The following CDH13 variants were observed in gnomAD, a reference collection of about 807,000 sequenced individuals.
CDH13 encodes the protein cadherin-13.
CDH13 carries 24 observed loss-of-function variants against 63.8 expected under a neutral mutation model. The ratio of observed to expected loss-of-function variants is 0.38; its 90% confidence interval spans 0.27 to 0.53. The LOEUF is 0.53. Among genes scored for constraint, CDH13 ranks in the 20% least tolerant of loss-of-function variants. The pLI is 0.85. For missense variants in CDH13, 1,049 were observed against 903.1 expected, an observed-to-expected ratio of 1.16 and a Z score of -2.07; for synonymous variants, 503 against 355.3, an observed-to-expected ratio of 1.42 and a Z score of -4.67.
At chr16:83,612,955 A>T (rs1471452079) in intron 8 of CDH13, among the ~76,000 whole-genome samples, 1 of 152,224 alleles carries the variant, frequency 6.6e-6, no homozygotes, top group African/African-American at 2.4e-5. Flanking sequence ...TGATTAAAAA[A>T]TTCCTTTTAT....
chr16:83,349,090 A>T (rs567282525), intron 6 of CDH13, among the ~76,000 whole-genome samples: 14 of 152,328 alleles, frequency 9.2e-5, no homozygotes, highest in African/African-American at 3.1e-4. Flanking sequence ...CTCAGCACTG[A>T]ACTCCGGGGT....
At chr16:83,246,269 CA>C (rs1904983009) in intron 5 of CDH13, among the ~76,000 whole-genome samples, 1 of 152,114 alleles carries the variant, frequency 6.6e-6, no homozygotes, top group Non-Finnish European at 1.5e-5. Context: ...AAATTTTATG[CA>C]AAAACTTGAA....
At chr16:83,063,487 G>A (rs753556946) in intron 3 of CDH13, among the ~76,000 whole-genome samples, 5 of 152,154 alleles carry the variant, frequency 3.3e-5, no homozygotes, top group Non-Finnish European at 5.9e-5. Context: ...AGAGAGAATG[G>A]TTAGGACATT....
intron 1 of CDH13, among the ~76,000 whole-genome samples, chr16:82,674,422 A>G (rs1913656626): frequency 6.6e-6 from 1 of 152,250 alleles, no homozygotes; most frequent in African/African-American, 2.4e-5. Flanking sequence ...ATGAAGGGGC[A>G]TGAGAAGTGT....
chr16:82,815,568 C>T (rs1026456740), intron 1 of CDH13, among the ~76,000 whole-genome samples: 1 of 152,160 alleles, frequency 6.6e-6, no homozygotes, highest in Non-Finnish European at 1.5e-5. Context: ...AAGCCCACTG[C>T]TCTCAAAAGG....
At chr16:83,334,397 A>ACACACACACACAC (rs2090547828) in intron 5 of CDH13, among the ~76,000 whole-genome samples, 1 of 142,200 alleles carries the variant, frequency 7.0e-6, no homozygotes. Context: ...ACACACACAG[A>ACACACACACACAC]ATCTCCCTCT....
At chr16:82,679,643 G>C (rs112509469) in intron 1 of CDH13, among the ~76,000 whole-genome samples, 3 of 152,290 alleles carry the variant, frequency 2.0e-5, no homozygotes, top group African/African-American at 7.2e-5. Flanking sequence ...CTTCCCAGTG[G>C]AACCTGAGAA....
intron 10 of CDH13, among the ~76,000 whole-genome samples, chr16:83,741,208 C>T (rs1476337336): frequency 6.6e-6 from 1 of 152,162 alleles, no homozygotes; most frequent in Non-Finnish European, 1.5e-5. Context: ...CACTCAGGGC[C>T]ATAGCTACAT....
intron 6 of CDH13, among the ~76,000 whole-genome samples, chr16:83,389,389 A>C (rs2091740651): frequency 6.6e-6 from 1 of 152,146 alleles, no homozygotes; most frequent in Non-Finnish European, 1.5e-5. Flanking sequence ...CTCAGTTAAC[A>C]ATCTCTATCT....
At chr16:83,351,691 C>T (rs1170875068) in intron 6 of CDH13, among the ~76,000 whole-genome samples, 4 of 152,222 alleles carry the variant, frequency 2.6e-5, no homozygotes, top group Non-Finnish European at 4.4e-5. Context: ...GAGAGCTCAT[C>T]TCTTCCCATG....
rs1017118587 is a variant in CDH13 at position 83,545,324 on chromosome 16, G to A, written c.961-57130G>A. ...TAATGAAGAAGGAAAAAAAATAGTG[G>A]ATGTGCTAAATTAGATATTTACAAA... is the stretch of plus-strand genomic sequence containing the variant. On this transcript the variant is annotated intron_variant, in intron 7 of 13. Transcript: ENST00000567109. Among the ~76,000 whole-genome samples, 2 of 152,196 alleles carry A rather than the reference G, an allele frequency of 1.3e-5. 1 individual carries two copies. Among genetic ancestry groups the A allele is most frequent in the Admixed American group, 1.3e-4 (2 of 15,278 alleles).
At chr16:82,643,803 T>C (rs537289750) in intron 1 of CDH13, among the ~76,000 whole-genome samples, 1 of 152,204 alleles carries the variant, frequency 6.6e-6, no homozygotes, top group African/African-American at 2.4e-5. Flanking sequence ...ATTGCAGTGG[T>C]GCAATCATAG....
chr16:82,981,942 A>G (rs1179803191), intron 2 of CDH13, among the ~76,000 whole-genome samples: 1 of 152,124 alleles, frequency 6.6e-6, no homozygotes, highest in Non-Finnish European at 1.5e-5. Flanking sequence ...ATGGCAAAAC[A>G]TTCAGTCCCT....
intron 5 of CDH13, among the ~76,000 whole-genome samples, chr16:83,297,744 A>G (rs1254445561): frequency 2.6e-5 from 4 of 152,178 alleles, no homozygotes; most frequent in Admixed American, 1.3e-4. Context: ...GATGGTTAAT[A>G]TATATCCTAT....
intron 2 of CDH13, among the ~76,000 whole-genome samples, chr16:82,861,922 T>G (rs1313975320): frequency 6.6e-6 from 1 of 152,250 alleles, no homozygotes; most frequent in Non-Finnish European, 1.5e-5. Flanking sequence ...TAAAACTTCC[T>G]TGGCTTCATC....
In CDH13 at chr16:83,342,843, G is replaced by GTTT. The variant is rs778316746; in HGVS notation, c.637-1997_637-1995dup. On this transcript the variant is annotated intron_variant, in intron 5 of 13. Transcript: ENST00000567109. The stretch of plus-strand genomic sequence containing the variant: ...TTAGGCACAGTGTTTTTTTGTTTCT[G>GTTT]TTTTTTTTTTTTTTTTTTTTTTTTG... 9.4e-3 allele frequency among the ~76,000 whole-genome samples: 613 copies of GTTT among 65,234 alleles called. 18 individuals carry two copies. Among genetic ancestry groups the GTTT allele is most frequent in the African/African-American group, 0.019 (292 of 15,644 alleles). 42.8% of individuals were successfully genotyped at this position (65,234 alleles called of 152,430 possible).
chr16:83,558,102 G>T (rs1038870514), intron 7 of CDH13, among the ~76,000 whole-genome samples: 4 of 152,172 alleles, frequency 2.6e-5, no homozygotes, highest in African/African-American at 9.7e-5. Flanking sequence ...TGAGGCAGAA[G>T]AGTTTTGCTA....
chr16:83,578,925 T>A (rs1037427807), intron 7 of CDH13, among the ~76,000 whole-genome samples: 1 of 152,246 alleles, frequency 6.6e-6, no homozygotes, highest in African/African-American at 2.4e-5. Context: ...CCTAAAGTCC[T>A]ATGTGCAGGT....
chr16:83,675,285 G>A (rs895300226), intron 9 of CDH13, among the ~76,000 whole-genome samples: 1 of 152,108 alleles, frequency 6.6e-6, no homozygotes. Context: ...AGGTGGTCTG[G>A]CCCTGGGCAT....
Sources: allele counts gnomAD v4.1 joint callset (sites outside exome capture counted in the v4.1 genomes callset), GRCh38; gene constraint gnomAD v4.1.1; transcripts MANE v1.5; gene names NCBI Gene and HGNC (gene_info 2026-07-23, HGNC 2026-07-21).